The following BMP5 variants were observed in gnomAD, a reference collection of about 807,000 sequenced individuals.
BMP5 encodes bone morphogenetic protein 5.
In BMP5, 23 loss-of-function variants were observed where a neutral mutation model predicts 46.6. The ratio of observed to expected loss-of-function variants is 0.49; its 90% CI spans 0.35 to 0.70. The LOEUF (loss-of-function observed/expected upper bound fraction) is 0.70, where lower values mean the gene tolerates loss of function less well. Ranked by LOEUF, BMP5 falls within the 30% of genes least tolerant of loss-of-function variation. The pLI is 0.00. For missense variants in BMP5, 545 were observed against 565.6 expected (o/e 0.96, Z 0.37); for synonymous variants, 204 against 191.9 (o/e 1.06, Z -0.52).
chr6:55,864,654 T>A (rs6928840), intron 1 of BMP5, among the ~76,000 whole-genome samples: 1,763 of 152,290 alleles, frequency 0.012, 31 homozygotes, highest in African/African-American at 0.04. Context: ...ATTAATGACT[T>A]ATCTTCCAGC....
chr6:55,759,892 T>C (rs1774722861), intron 5 of BMP5, among the ~76,000 whole-genome samples: 1 of 151,990 alleles, frequency 6.6e-6, no homozygotes, highest in African/African-American at 2.4e-5. Context: ...AACTCATATA[T>C]GAGAATCCAT....
intron 1 of BMP5, among the ~76,000 whole-genome samples, chr6:55,872,995 A>C (rs372021481): frequency 6.6e-6 from 1 of 151,996 alleles, no homozygotes; most frequent in East Asian, 1.9e-4. Context: ...TATACGTAGA[A>C]GAAAAGGCCT....
Position 55,797,619 on chromosome 6 carries a change from T to C in BMP5, c.684-3192A>G, listed in dbSNP as rs895360608. On this transcript the variant is annotated intron_variant, in intron 2 of 6. Transcript: ENST00000370830. The stretch of plus-strand genomic sequence containing the variant: ...GTTTGTGATTATTTTCTTTTCTTTT[T>C]TTTTTTTTTTTTTTTGAGACGGAGT... 1.1e-4 allele frequency among the ~76,000 whole-genome samples: 16 copies of C among 144,594 alleles called. No individual in the cohort carries two copies. The East Asian group carries it at 2.2e-3, about 20-fold the overall frequency. 94.9% of individuals were successfully genotyped at this position (144,594 alleles called of 152,430 possible). A position where few individuals can be genotyped will look rare whatever the true frequency, so the allele number is the denominator to read the frequency against.
At chr6:55,795,242 T>C (rs1775679459) in intron 2 of BMP5, among the ~76,000 whole-genome samples, 2 of 152,128 alleles carry the variant, frequency 1.3e-5, no homozygotes. Flanking sequence ...TAAAATTACC[T>C]ATTTCTGACA....
chr6:55,789,893 T>C (rs1455559794), intron 3 of BMP5, among the ~76,000 whole-genome samples: 1 of 152,120 alleles, frequency 6.6e-6, no homozygotes, highest in Non-Finnish European at 1.5e-5. Context: ...AATAATAAAA[T>C]ATTCTTGAAC....
At chr6:55,830,233 G>T (rs1776632920) in intron 1 of BMP5, among the ~76,000 whole-genome samples, 1 of 152,012 alleles carries the variant, frequency 6.6e-6, no homozygotes, top group South Asian at 2.1e-4. Flanking sequence ...ATTTAATAAA[G>T]ATTTAACAGG....
chr6:55,827,661 A>C (rs1402320950), intron 1 of BMP5, among the ~76,000 whole-genome samples: 1 of 151,860 alleles, frequency 6.6e-6, no homozygotes, highest in Non-Finnish European at 1.5e-5. Flanking sequence ...GCATTTTAGA[A>C]AGGAAAAATT....
chr6:55,774,092 T>C lies in BMP5; in HGVS notation c.984A>G (p.Lys328=). Reference sequence around the variant, plus strand: ...TGGAGGAGTCCTGATGAGAGCTGGATTTATTGCGGTTTTGATTTTTTCGTT... The same window carrying C: ...TGGAGGAGTCCTGATGAGAGCTGGACTTATTGCGGTTTTGATTTTTTCGTT... ...ANKRKNQNRN[K]SSSHQDSSRM... is the part of the protein sequence containing the mutation. The change falls in exon 4 of 7, where the codon AAA becomes AAG. Residue 328 remains lysine, a synonymous_variant. Transcript: ENST00000370830. 6.2e-7 allele frequency: 1 copy of C among 1,612,916 alleles called. No individual in the cohort carries two copies. Among genetic ancestry groups the C allele is most frequent in the Non-Finnish European group, 8.5e-7 (1 of 1,179,362 alleles).
At position 55,788,905 on chromosome 6, in the gene BMP5, T is replaced by A. The variant is rs373436666; in HGVS notation, c.832+5374A>T. Among the ~76,000 whole-genome samples, 5 of 152,048 alleles carry A rather than the reference T, an allele frequency of 3.3e-5. No homozygotes were observed. The East Asian group carries it at 7.7e-4, about 23-fold the overall frequency. ...AATGTTTCTTTATTTTACATTTAAG[T>A]ATCAGTTACCATATAATTTAATTTG... On this transcript the variant is annotated intron_variant, in intron 3 of 6. Coordinates refer to ENST00000370830, the MANE Select transcript of BMP5 (RefSeq NM_021073.4).
chr6:55,858,732 C>G (rs1470645290), intron 1 of BMP5, among the ~76,000 whole-genome samples: 1 of 152,200 alleles, frequency 6.6e-6, no homozygotes, highest in African/African-American at 2.4e-5. Flanking sequence ...TTGGGTCCAA[C>G]CCAAATGCCC....
At chr6:55,787,435 T>G (rs974084158) in intron 3 of BMP5, among the ~76,000 whole-genome samples, 1 of 151,754 alleles carries the variant, frequency 6.6e-6, no homozygotes, top group Admixed American at 6.6e-5. Flanking sequence ...GGAATATATG[T>G]TTCTAATTAG....
chr6:55,763,476 G>A (rs903835554), intron 4 of BMP5, among the ~76,000 whole-genome samples: 8 of 152,100 alleles, frequency 5.3e-5, no homozygotes, highest in Non-Finnish European at 1.2e-4. Flanking sequence ...GATAGTGAGT[G>A]AAGTAAATGT....
chr6:55,854,009 T>C (rs972713329), intron 1 of BMP5, among the ~76,000 whole-genome samples: 6 of 152,140 alleles, frequency 3.9e-5, no homozygotes, highest in African/African-American at 1.4e-4. Flanking sequence ...GTAAGGATAT[T>C]TTAGCAAACA....
At chr6:55,768,274 G>T (rs1774965410) in intron 4 of BMP5, among the ~76,000 whole-genome samples, 1 of 151,804 alleles carries the variant, frequency 6.6e-6, no homozygotes, top group African/African-American at 2.4e-5. Flanking sequence ...TAGTAACTAT[G>T]CATTTTATCT....
chr6:55,857,556 A>G (rs1326492570), intron 1 of BMP5, among the ~76,000 whole-genome samples: 1 of 152,212 alleles, frequency 6.6e-6, no homozygotes, highest in Non-Finnish European at 1.5e-5. Context: ...GATGGCAAAA[A>G]GTTCCAAAAC....
intron 1 of BMP5, among the ~76,000 whole-genome samples, chr6:55,868,205 C>G (rs80351781): frequency 0.02 from 3,107 of 152,094 alleles, 118 homozygotes; most frequent in African/African-American, 0.071. Flanking sequence ...GGATTTACAT[C>G]TGTTGATCCT....
rs768786761 is a variant in BMP5 at position 55,755,594 on chromosome 6, C to T, written c.1304G>A (p.Ser435Asn). The T allele has an allele frequency of 1.2e-6, 2 of 1,611,680 alleles. No homozygotes were observed. Among genetic ancestry groups the T allele is most frequent in the Admixed American group, 1.7e-5 (1 of 59,780 alleles). The change falls in exon 7 of 7, where the codon AGC (serine) becomes AAC (asparagine). Residue 435 changes from serine to asparagine, a missense_variant. By Grantham distance (46) the Ser-to-Asn change is conservative. Coordinates refer to ENST00000370830, the MANE Select transcript of BMP5 (RefSeq NM_021073.4). The stretch of plus-strand genomic sequence containing the variant: ...ATATTTTTTCAAAATGACATTGGAG[C>T]TGTCATCAAAGTACAGAACAGAGAT... ...NAISVLYFDD[S>N]SNVILKKYRN...
chr6:55,798,089 C>T (rs1775760974), intron 2 of BMP5, among the ~76,000 whole-genome samples: 1 of 152,106 alleles, frequency 6.6e-6, no homozygotes, highest in South Asian at 2.1e-4. Flanking sequence ...TTGTCTTCTC[C>T]CTGTATCCCT....
chr6:55,846,960 T>C (rs1777111756), intron 1 of BMP5, among the ~76,000 whole-genome samples: 1 of 151,688 alleles, frequency 6.6e-6, no homozygotes. Context: ...AGTTAAAAAG[T>C]GGCTTCAATA....
Sources: allele counts gnomAD v4.1 joint callset (sites outside exome capture counted in the v4.1 genomes callset), GRCh38; gene constraint gnomAD v4.1.1; transcripts MANE v1.5; gene names NCBI Gene and HGNC (gene_info 2026-07-23, HGNC 2026-07-21).